Variants in DENND1A observed in about 807,000 individuals in gnomAD.
DENND1A encodes the protein DENN domain-containing protein 1A.
A neutral mutation model predicts 113.7 loss-of-function variants in DENND1A; 51 were observed. That is an observed-to-expected ratio of 0.45 (90% CI 0.36 to 0.57). DENND1A has a LOEUF of 0.57. Ranked by LOEUF, DENND1A falls within the 20% of genes least tolerant of loss-of-function variation. The pLI, the probability that DENND1A is intolerant of heterozygous loss-of-function variation, is 0.00. For missense variants in DENND1A, 1,258 were observed against 1,395.9 expected (o/e 0.90, Z 1.57); for synonymous variants, 565 against 570.8 (o/e 0.99, Z 0.14).
chr9:123,403,902 G>A (rs968919320), intron 20 of DENND1A, among the ~76,000 whole-genome samples: 2 of 152,278 alleles, frequency 1.3e-5, no homozygotes, highest in African/African-American at 4.8e-5. Context: ...AAAAGGTTGC[G>A]CTTACACTTG....
intron 5 of DENND1A, among the ~76,000 whole-genome samples, chr9:123,747,078 T>C (rs2069576654): frequency 6.6e-6 from 1 of 151,998 alleles, no homozygotes; most frequent in Admixed American, 6.6e-5. Flanking sequence ...ACTTGTTTTC[T>C]GATGGGACCA....
At chr9:123,812,226 G>T (rs981080961) in intron 2 of DENND1A, among the ~76,000 whole-genome samples, 6 of 152,120 alleles carry the variant, frequency 3.9e-5, no homozygotes, top group Admixed American at 3.9e-4. Flanking sequence ...ATATTTTGCA[G>T]ATAGTACTTT....
At chr9:123,822,453 G>A (rs187454693) in intron 2 of DENND1A, among the ~76,000 whole-genome samples, 1 of 152,212 alleles carries the variant, frequency 6.6e-6, no homozygotes, top group African/African-American at 2.4e-5. Context: ...TAGAAGGGGG[G>A]AAATTAGTAA....
At chr9:123,508,646 T>TTG (rs1337156379) in intron 13 of DENND1A, among the ~76,000 whole-genome samples, 2 of 152,240 alleles carry the variant, frequency 1.3e-5, no homozygotes, top group Non-Finnish European at 2.9e-5. Flanking sequence ...GTTATTCTCT[T>TTG]AACCACAGAG....
At chr9:123,840,079 T>C (rs999392274) in intron 2 of DENND1A, among the ~76,000 whole-genome samples, 1 of 144,304 alleles carries the variant, frequency 6.9e-6, no homozygotes, top group African/African-American at 2.8e-5. Flanking sequence ...TCAAGTGTTT[T>C]TGTCTATTTT....
chr9:123,481,227 G>A (rs943841391), intron 13 of DENND1A, among the ~76,000 whole-genome samples: 1 of 152,206 alleles, frequency 6.6e-6, no homozygotes, highest in African/African-American at 2.4e-5. Context: ...GGCCGACTCA[G>A]GAAGAAAAAT....
chr9:123,607,609 G>T (rs868484371), intron 11 of DENND1A, among the ~76,000 whole-genome samples: 1 of 142,872 alleles, frequency 7.0e-6, no homozygotes, highest in Non-Finnish European at 1.5e-5. Flanking sequence ...GGGAAGACTG[G>T]GGGAGACATC....
chr9:123,756,963 C>G (rs2070613313), intron 5 of DENND1A, among the ~76,000 whole-genome samples: 1 of 152,198 alleles, frequency 6.6e-6, no homozygotes, highest in Non-Finnish European at 1.5e-5. Flanking sequence ...GCAGGCCCCT[C>G]TGACACCTAC....
intron 13 of DENND1A, among the ~76,000 whole-genome samples, chr9:123,458,855 G>A (rs1382033924): frequency 6.6e-6 from 1 of 152,138 alleles, no homozygotes; most frequent in Non-Finnish European, 1.5e-5. Context: ...CAGTTACTTA[G>A]GAAAGCTGAG....
chr9:123,577,834 T>C (rs1416168890), intron 12 of DENND1A, among the ~76,000 whole-genome samples: 1 of 152,202 alleles, frequency 6.6e-6, no homozygotes, highest in African/African-American at 2.4e-5. Context: ...CTTGTGCCTC[T>C]CAAAGCTTAA....
intron 5 of DENND1A, among the ~76,000 whole-genome samples, chr9:123,692,853 G>A (rs1197852271): frequency 6.6e-6 from 1 of 152,106 alleles, no homozygotes; most frequent in African/African-American, 2.4e-5. Context: ...AAAATATCTG[G>A]TACCTTAGCT....
At chr9:123,681,950 A>G (rs1373486222) in intron 5 of DENND1A, among the ~76,000 whole-genome samples, 1 of 152,090 alleles carries the variant, frequency 6.6e-6, no homozygotes, top group African/African-American at 2.4e-5. Flanking sequence ...TGCTCAACAC[A>G]TGATCAGGAC....
chr9:123,832,636 G>A lies in DENND1A; in HGVS notation c.89-40006C>T, dbSNP rs575350343. 9.2e-5 allele frequency among the ~76,000 whole-genome samples: 14 copies of A among 152,318 alleles called. No individual in the cohort carries two copies. In the South Asian group the frequency reaches 2.5e-3, roughly 27 times the overall value. ...ATAAATCTCTACAGACAGTAGAATG[G>A]ATCGATTGTGGCATATTCATATTAC... On this transcript the variant is annotated intron_variant, in intron 2 of 23. Transcript: ENST00000394215.
chr9:123,703,931 C>T (rs1456465718), intron 5 of DENND1A, among the ~76,000 whole-genome samples: 1 of 151,948 alleles, frequency 6.6e-6, no homozygotes, highest in African/African-American at 2.4e-5. Flanking sequence ...AAATTGTACA[C>T]TTAAAATTGG....
chr9:123,463,951 A>T (rs934931138), intron 13 of DENND1A, among the ~76,000 whole-genome samples: 39 of 151,810 alleles, frequency 2.6e-4, no homozygotes, highest in Admixed American at 7.9e-4. Flanking sequence ...AATAATAATA[A>T]AAAGAGCTGA....
intron 3 of DENND1A, among the ~76,000 whole-genome samples, chr9:123,783,752 T>C (rs1480336293): frequency 1.3e-5 from 2 of 152,166 alleles, no homozygotes; most frequent in Non-Finnish European, 2.9e-5. Flanking sequence ...GAATCTTAAC[T>C]CTTGAGCAAT....
chr9:123,496,711 G>C (rs1000310483), intron 13 of DENND1A, among the ~76,000 whole-genome samples: 2 of 152,152 alleles, frequency 1.3e-5, no homozygotes, highest in African/African-American at 4.8e-5. Flanking sequence ...GAGTGTGTGG[G>C]TCAGCGGTGC....
At chr9:123,556,118 G>C (rs1486447478) in intron 13 of DENND1A, among the ~76,000 whole-genome samples, 1 of 152,194 alleles carries the variant, frequency 6.6e-6, no homozygotes, top group African/African-American at 2.4e-5. Flanking sequence ...ATCAAGAACT[G>C]GCTTTAAGCT....
intron 2 of DENND1A, among the ~76,000 whole-genome samples, chr9:123,872,665 T>C (rs1394045708): frequency 6.6e-6 from 1 of 152,104 alleles, no homozygotes; most frequent in African/African-American, 2.4e-5. Flanking sequence ...AAACAAGCTA[T>C]TAAAAATTTA....
Sources: gnomAD v4.1 joint callset for allele counts (sites outside exome capture counted in the v4.1 genomes callset) on GRCh38, gnomAD v4.1.1 for gene constraint, MANE v1.5 for transcripts, NCBI Gene and HGNC (gene_info 2026-07-23, HGNC 2026-07-21) for gene names.